Variants in NKD2 observed in about 807,000 individuals in gnomAD.
NKD2 encodes protein naked cuticle homolog 2.
Under a neutral mutation model 34.8 loss-of-function variants are expected in NKD2, and 43 were observed. The ratio of observed to expected loss-of-function variants is 1.24; its 90% CI spans 0.97 to 1.60. The LOEUF (loss-of-function observed/expected upper bound fraction) is 1.60, where lower values mean the gene tolerates loss of function less well. NKD2 is among the 40% of genes most tolerant of loss of function. NKD2 has a pLI of 0.00. For synonymous variants in NKD2, 278 were observed against 265.1 expected (o/e 1.05, Z -0.47); for missense variants, 675 against 627.1 (o/e 1.08, Z -0.82).
chr5:1,015,588 C>A (rs1260603648), intron 3 of NKD2, among the ~76,000 whole-genome samples: 1 of 152,176 alleles, frequency 6.6e-6, no homozygotes, highest in African/African-American at 2.4e-5. Flanking sequence ...AGGCCTATGA[C>A]ACCCCTAGGG....
In NKD2 at chr5:1,038,836, AG is replaced by A. The variant is rs1734164133; in HGVS notation, c.*467del. On this transcript the variant is annotated 3_prime_UTR_variant, in exon 10 of 10. Coordinates refer to ENST00000296849, the MANE Select transcript of NKD2 (RefSeq NM_033120.4). The surrounding 1 kb of genome is among the most constrained non-coding windows in gnomAD (Gnocchi z 4.5). ...CCTGGCTTGTGCATCATGAAGTGAG[AG>A]GGGACAGGGCCGGTGGGGGGAAGCA... is the stretch of plus-strand genomic sequence containing the variant. 5 of 319,522 alleles carry A rather than the reference AG, an allele frequency of 1.6e-5. No individual in the cohort carries two copies. Among genetic ancestry groups the A allele is most frequent in the Non-Finnish European group, 3.0e-5 (5 of 165,580 alleles). The allele number at this position is 319,522 out of a possible 1,614,324, so 19.8% of individuals were successfully genotyped here.
chr5:1,010,646 G>A (rs1461716463), intron 3 of NKD2, among the ~76,000 whole-genome samples: 1 of 152,188 alleles, frequency 6.6e-6, no homozygotes, highest in Non-Finnish European at 1.5e-5. Flanking sequence ...CTCTATCCGG[G>A]ACAGGGAGAC....
At chr5:1,017,683 C>T (rs924110157) in intron 3 of NKD2, among the ~76,000 whole-genome samples, 9 of 152,230 alleles carry the variant, frequency 5.9e-5, no homozygotes, top group African/African-American at 1.2e-4. Flanking sequence ...ACCACGGGGC[C>T]GCCCTGCAGC....
chr5:1,028,692 C>T (rs1756521212), intron 3 of NKD2, among the ~76,000 whole-genome samples: 1 of 151,926 alleles, frequency 6.6e-6, no homozygotes, highest in Admixed American at 6.5e-5. Context: ...CTAGGCACCC[C>T]AAACCGGAAG....
At chr5:1,011,740 T>G (rs1755759150) in intron 3 of NKD2, among the ~76,000 whole-genome samples, 1 of 152,242 alleles carries the variant, frequency 6.6e-6, no homozygotes, top group African/African-American at 2.4e-5. Flanking sequence ...TGGCTATTAT[T>G]AATTCCCTGT....
At chr5:1,037,608 G>T (rs1379849891) in intron 9 of NKD2, 197 bp from the exon 10 acceptor site, 1 of 1,535,770 alleles carries the variant, frequency 6.5e-7, no homozygotes, top group East Asian at 2.4e-5. Context: ...GGGAGCTGTG[G>T]AGCCAGGCAG....
Position 1,038,190 on chromosome 5 carries a change from G to T in NKD2, c.1173G>T (p.Glu391Asp). 6.3e-7 allele frequency: 1 copy of T among 1,589,342 alleles called. No individual in the cohort carries two copies. The highest frequency in any genetic ancestry group is 2.3e-5 in the East Asian group (1 of 43,884). Residue 391 changes from glutamate (E) to aspartate (D), a missense_variant, in exon 10 of 10, where the codon GAG becomes GAT. Transcript: ENST00000296849. This position sits in a 1 kb window ranked among gnomAD's most constrained non-coding sequence, Gnocchi z 4.5. ...GHKRYRQKGR[E>D]GHSPLKAPHA... ...AGCGGTACCGCCAAAAGGGCAGGGA[G>T]GGCCACTCGCCACTCAAGGCCCCAC... is the stretch of plus-strand genomic sequence containing the variant.
chr5:1,031,529 G>A (rs893683294), intron 3 of NKD2, among the ~76,000 whole-genome samples: 3 of 150,988 alleles, frequency 2.0e-5, no homozygotes, highest in Non-Finnish European at 4.4e-5. Flanking sequence ...GAGGGGCTCC[G>A]CACCTCCACC....
intron 3 of NKD2, among the ~76,000 whole-genome samples, chr5:1,013,016 C>G (rs888409441): frequency 6.6e-6 from 1 of 152,224 alleles, no homozygotes; most frequent in Non-Finnish European, 1.5e-5. Flanking sequence ...GGCCAGTGCA[C>G]GTGCGCCCAG....
Position 1,037,847 on chromosome 5 carries a change from C to A in NKD2, c.830C>A (p.Ala277Asp). ...VQAKQEPQGR[A>D]SHLQARSRSQ... Reference sequence around the variant, plus strand: ...GCAAAGCAGGAGCCCCAGGGCAGGGCCTCGCACCTCCAGGCCCGGTCCCGC... The same window carrying A: ...GCAAAGCAGGAGCCCCAGGGCAGGGACTCGCACCTCCAGGCCCGGTCCCGC... The change falls in exon 10 of 10, where the codon GCC becomes GAC. Residue 277 changes from alanine (A) to aspartate (D), a missense_variant. Ala to Asp is a moderately radical substitution (Grantham distance 126, BLOSUM62 -2). Coordinates refer to ENST00000296849, the MANE Select transcript of NKD2 (RefSeq NM_033120.4). 1 of 1,593,416 alleles carries A rather than the reference C, an allele frequency of 6.3e-7. No individual in the cohort carries two copies. Among genetic ancestry groups the A allele is most frequent in the Non-Finnish European group, 8.5e-7 (1 of 1,173,590 alleles).
intron 3 of NKD2, among the ~76,000 whole-genome samples, chr5:1,021,260 T>A (rs1474787298): frequency 6.6e-6 from 1 of 152,094 alleles, no homozygotes; most frequent in Admixed American, 6.5e-5. Flanking sequence ...AGGCTCCGTC[T>A]GAATGTATCT....
chr5:1,032,338 G>T, intron 4 of NKD2, 126 bp downstream of exon 4: 2 of 741,268 alleles, frequency 2.7e-6, no homozygotes, highest in Non-Finnish European at 4.6e-6. Flanking sequence ...AGGCTTAGAC[G>T]CACTTTGTTC....
chr5:1,017,015 G>A (rs1755984298), intron 3 of NKD2, among the ~76,000 whole-genome samples: 1 of 151,208 alleles, frequency 6.6e-6, no homozygotes, highest in South Asian at 2.1e-4. Flanking sequence ...TTCCCACAAA[G>A]GATAACAGAG....
intron 3 of NKD2, among the ~76,000 whole-genome samples, chr5:1,031,913 C>T (rs1756658594): frequency 6.6e-6 from 1 of 152,214 alleles, no homozygotes; most frequent in South Asian, 2.1e-4. Flanking sequence ...GCAGCTGCAT[C>T]TTCTACCTGG....
intron 3 of NKD2, among the ~76,000 whole-genome samples, chr5:1,026,958 G>T (rs374107216): frequency 6.6e-6 from 1 of 152,240 alleles, no homozygotes; most frequent in East Asian, 1.9e-4. Context: ...CGACAGCCCC[G>T]TAATTCTGGC....
At chr5:1,020,396 A>G (rs1457275379) in intron 3 of NKD2, among the ~76,000 whole-genome samples, 1 of 152,090 alleles carries the variant, frequency 6.6e-6, no homozygotes, top group East Asian at 1.9e-4. Context: ...AGCTGAAGAC[A>G]TTTCATTTCA....
At chr5:1,024,960 C>T (rs1419352158) in intron 3 of NKD2, among the ~76,000 whole-genome samples, 7 of 4,652 alleles carry the variant, frequency 1.5e-3, no homozygotes, top group African/African-American at 1.6e-3. Context: ...CTCTTCCCAC[C>T]CTCTGTGGGC....
rs758115630 is a variant in NKD2, at chr5:1,037,592, T to A, written c.788-213T>A. The A allele has an allele frequency of 1.1e-5, 17 of 1,535,704 alleles. No homozygotes were observed. The South Asian group carries it at 1.9e-4, about 17-fold the overall frequency. On this transcript the variant is annotated intron_variant, in intron 9 of 9. Transcript: ENST00000296849. Reference sequence around the variant, plus strand: ...GGGGACAAGGCTAGAGGAGTCGGCCTTTGCAGGGAGCTGTGGAGCCAGGCA... The same window carrying A: ...GGGGACAAGGCTAGAGGAGTCGGCCATTGCAGGGAGCTGTGGAGCCAGGCA...
intron 3 of NKD2, among the ~76,000 whole-genome samples, chr5:1,018,192 T>C (rs1213491014): frequency 6.6e-6 from 1 of 152,146 alleles, no homozygotes; most frequent in Non-Finnish European, 1.5e-5. Flanking sequence ...AGCCTACAGA[T>C]GTGCACTGGT....
Sources: gnomAD v4.1 joint callset for allele counts (sites outside exome capture counted in the v4.1 genomes callset) on GRCh38, gnomAD v4.1.1 for gene constraint, Gnocchi (gnomAD v3.1) non-coding constraint, MANE v1.5 for transcripts, NCBI Gene and HGNC (gene_info 2026-07-23, HGNC 2026-07-21) for gene names.